VWF: variants seen among roughly 807,000 people sequenced by gnomAD.
VWF encodes Factor VIII related antigen.
In VWF, 176 loss-of-function variants were observed where a neutral mutation model predicts 308.6. That is an observed-to-expected ratio of 0.57 (90% confidence interval 0.50 to 0.65). The LOEUF is 0.65. VWF is among the 30% of genes least tolerant of loss of function. The pLI, the probability that VWF is intolerant of heterozygous loss-of-function variation, is 0.00. For synonymous variants in VWF, 1,385 were observed against 1,443.4 expected, an observed-to-expected ratio of 0.96 and a Z score of 0.92; for missense variants, 3,146 against 3,648.2, an observed-to-expected ratio of 0.86 and a Z score of 3.55.
chr12:6,006,495 C>G (rs1287824949), intron 34 of VWF, among the ~76,000 whole-genome samples: 2 of 152,104 alleles, frequency 1.3e-5, no homozygotes, highest in Admixed American at 6.6e-5. Context: ...TAAAATAAAA[C>G]AGCCAGGTGC....
chr12:5,953,838 C>T (rs541290182), intron 47 of VWF: 8 of 512,622 alleles, frequency 1.6e-5, no homozygotes, highest in African/African-American at 1.5e-4. Context: ...GAGACCTTTT[C>T]CCTGAGCTTC....
At position 6,018,549 on chromosome 12, in the gene VWF, G is replaced by T. The variant is rs757808009; in HGVS notation, c.4869C>A (p.Ile1623=). The T allele has an allele frequency of 7.4e-6, 12 of 1,613,840 alleles. No homozygotes were observed. The Admixed American group carries it at 1.3e-4, about 18-fold the overall frequency. ...GGCCCACTCCAATGGGCACCACCTG[G>T]ATGTCTCCAGGCAGCCTCTTGATCT... ...SDEIKRLPGD[I]QVVPIGVGPN... Residue 1623 remains isoleucine, a synonymous_variant, in exon 28 of 52, where the codon ATC becomes ATA. Transcript: ENST00000261405.
At chr12:5,965,829 A>G (rs1325577802) in intron 47 of VWF, among the ~76,000 whole-genome samples, 1 of 152,194 alleles carries the variant, frequency 6.6e-6, no homozygotes, top group African/African-American at 2.4e-5. Flanking sequence ...CGGATTCAGC[A>G]AGGCTTGAGA....
chr12:6,089,698 C>G (rs1057159640), intron 6 of VWF, among the ~76,000 whole-genome samples: 1 of 152,076 alleles, frequency 6.6e-6, no homozygotes, highest in Non-Finnish European at 1.5e-5. Flanking sequence ...GGGTAGGGAA[C>G]ATTTGTCAAG....
chr12:5,981,710 G>A, intron 42 of VWF, 76 bp downstream of exon 42: 1 of 1,489,632 alleles, frequency 6.7e-7, no homozygotes, highest in Non-Finnish European at 9.3e-7. Context: ...TGGATGGGTG[G>A]ATAGAAGGAT....
Position 6,063,123 on chromosome 12 carries a change from T to G in VWF, c.1433-69A>C. The G allele has an allele frequency of 7.5e-7, 1 of 1,329,490 alleles. No homozygotes were observed. Among genetic ancestry groups the G allele is most frequent in the Non-Finnish European group, 1.1e-6 (1 of 937,714 alleles). 82.4% of individuals were successfully genotyped at this position (1,329,490 alleles called of 1,614,324 possible). A position where few individuals can be genotyped will look rare whatever the true frequency, so the allele number is the denominator to read the frequency against. The stretch of plus-strand genomic sequence containing the variant: ...ACAGGGTGGTGGCAGGCAGATGTAT[T>G]TGGGAGGAAATGGGGTGTCTCAAAA... On this transcript the variant is annotated intron_variant, in intron 12 of 51. Coordinates refer to ENST00000261405, the MANE Select transcript of VWF (RefSeq NM_000552.5). This position sits in a 1 kb window ranked among gnomAD's most constrained non-coding sequence, Gnocchi z 4.9.
rs1943217448 is a variant in VWF at position 5,953,527 on chromosome 12, T to A, written c.7955A>T (p.Gln2652Leu). The change falls in exon 48 of 52, where the codon CAG (glutamine) becomes CTG (leucine). Residue 2652 changes from glutamine to leucine, a missense_variant. Transcript: ENST00000261405. ...TGTCATGATCTGTCCTCCTCTTAGC[T>A]GAATGGTGCAAGCCGTAGGCAAACA... Reference protein sequence around the residue: ...GRCLPTACTIQLRGGQIMTLK... With the variant: ...GRCLPTACTILLRGGQIMTLK... The A allele has an allele frequency of 6.2e-7, 1 of 1,614,060 alleles. No individual in the cohort carries two copies. Among genetic ancestry groups the A allele is most frequent in the African/African-American group, 1.3e-5 (1 of 74,930 alleles).
chr12:5,995,504 C>T (rs1436804254), intron 35 of VWF, among the ~76,000 whole-genome samples: 2 of 152,098 alleles, frequency 1.3e-5, no homozygotes, highest in African/African-American at 4.8e-5. Flanking sequence ...AAGAAGTTGG[C>T]ATAGTGTAAC....
rs748919237 is a variant in VWF, at chr12:5,953,604, G to A, written c.7888-10C>T. The stretch of plus-strand genomic sequence containing the variant: ...TTTCTTCCTTGTAACCCTGCATCCA[G>A]AGGGGGAAAAAGCAGCCATAGTTAA... On this transcript the variant is annotated splice_polypyrimidine_tract_variant and intron_variant, in intron 47 of 51. Coordinates refer to ENST00000261405, the MANE Select transcript of VWF (RefSeq NM_000552.5). 1 of 1,612,398 alleles carries A rather than the reference G, an allele frequency of 6.2e-7. No individual in the cohort carries two copies. The highest frequency in any genetic ancestry group is 8.5e-7 in the Non-Finnish European group (1 of 1,178,426).
rs766430886 is a variant in VWF at position 6,056,984 on chromosome 12, C to T, written c.1818G>A (p.Arg606=). ...AGGAGCACACGTCGTAGCGGCAGTT[C>T]CGCAGGTAGGGCAGCGGGCTGACGG... ...HRAVSPLPYL[R]NCRYDVCSCS... Residue 606 remains arginine (R), a synonymous_variant, in exon 15 of 52, where the codon CGG becomes CGA. Coordinates refer to ENST00000261405, the MANE Select transcript of VWF (RefSeq NM_000552.5). The T allele has an allele frequency of 2.6e-6, 4 of 1,544,858 alleles. No individual in the cohort carries two copies. Among genetic ancestry groups the T allele is most frequent in the Non-Finnish European group, 3.5e-6 (4 of 1,149,954 alleles).
intron 47 of VWF, among the ~76,000 whole-genome samples, chr12:5,965,201 C>G (rs1943387891): frequency 6.6e-6 from 1 of 152,162 alleles, no homozygotes. Context: ...GAGCAAGTTC[C>G]CAGCCAGCCC....
chr12:6,092,595 C>CAGCT (rs1355728828), intron 6 of VWF, among the ~76,000 whole-genome samples: 19 of 67,596 alleles, frequency 2.8e-4, no homozygotes, highest in Non-Finnish European at 4.3e-4. Flanking sequence ...CCACCATGCC[C>CAGCT]AGCTAGTTAG....
At chr12:5,949,935 A>G in intron 50 of VWF, 52 bp from the exon 51 acceptor site, 1 of 1,557,570 alleles carries the variant, frequency 6.4e-7, no homozygotes, top group Non-Finnish European at 8.8e-7. Flanking sequence ...GTTCTAGAGA[A>G]CACTCTTCAG....
intron 40 of VWF, among the ~76,000 whole-genome samples, chr12:5,983,521 T>TTAGA (rs79433577): frequency 0.29 from 39,026 of 136,458 alleles, 6,251 homozygotes; most frequent in Non-Finnish European, 0.39. Context: ...ACTAGGTACA[T>TTAGA]TAGATAGATA....
intron 18 of VWF, among the ~76,000 whole-genome samples, chr12:6,038,458 G>C (rs1465251949): frequency 6.6e-6 from 1 of 152,238 alleles, no homozygotes; most frequent in Non-Finnish European, 1.5e-5. Context: ...GGGGCTCCCA[G>C]GCCTCTTGGT....
chr12:5,976,792 T>G (rs1332271749), intron 42 of VWF, among the ~76,000 whole-genome samples: 1 of 152,154 alleles, frequency 6.6e-6, no homozygotes, highest in Non-Finnish European at 1.5e-5. Context: ...GGGATCCTAT[T>G]GGGAAGAACA....
At position 5,985,493 on chromosome 12, in the gene VWF, T is replaced by C. The variant is rs555116961; in HGVS notation, c.6901+70A>G. On this transcript the variant is annotated intron_variant, in intron 39 of 51. Transcript: ENST00000261405. ...GAGTCTGCTCTGCCAGAGGTGAAGA[T>C]GGGTGGCTGGGGGGCCTTGCAGGGG... 2.1e-5 allele frequency: 32 copies of C among 1,498,214 alleles called. No homozygotes were observed. The African/African-American group carries it at 3.4e-4, about 16-fold the overall frequency. 92.8% of individuals were successfully genotyped at this position (1,498,214 alleles called of 1,614,324 possible).
At chr12:5,979,602 T>G (rs137908919) in intron 42 of VWF, among the ~76,000 whole-genome samples, 1 of 150,840 alleles carries the variant, frequency 6.6e-6, no homozygotes, top group Non-Finnish European at 1.5e-5. Flanking sequence ...ATACAAAAAT[T>G]AGCTGGGTGT....
At chr12:6,015,334 A>G (rs1371684171) in intron 31 of VWF, among the ~76,000 whole-genome samples, 1 of 152,232 alleles carries the variant, frequency 6.6e-6, no homozygotes. Flanking sequence ...TGAGTAGCTC[A>G]TATGTGACAT....
Sources: allele counts gnomAD v4.1 joint callset (sites outside exome capture counted in the v4.1 genomes callset), GRCh38; gene constraint gnomAD v4.1.1; non-coding constraint Gnocchi (gnomAD v3.1); transcripts MANE v1.5; gene names NCBI Gene and HGNC (gene_info 2026-07-23, HGNC 2026-07-21).